Variants in AGAP1 observed in about 807,000 individuals in gnomAD.
The protein encoded by AGAP1 is ArfGAP with GTPase domain, ankyrin repeat and PH domain 1, also known as arf-GAP with GTPase, ANK repeat and PH domain-containing protein 1.
Under a neutral mutation model 105.3 loss-of-function variants are expected in AGAP1, and 29 were observed. That is an observed-to-expected ratio of 0.28 (90% CI 0.21 to 0.38). The LOEUF is 0.38. Among genes scored for constraint, AGAP1 ranks in the 10% least tolerant of loss-of-function variants. AGAP1 has a pLI of 1.00. For synonymous variants in AGAP1, 509 were observed against 485.9 expected (o/e 1.05, Z -0.63); for missense variants, 998 against 1,165.1 (o/e 0.86, Z 2.09).
intron 16 of AGAP1, among the ~76,000 whole-genome samples, chr2:236,079,373 A>T (rs1252982203): frequency 4.8e-4 from 31 of 64,736 alleles, no homozygotes; most frequent in South Asian, 3.3e-3. Flanking sequence ...GAAAATTTAA[A>T]AAAAAAAAAA....
chr2:236,065,463 G>A (rs531622116), intron 16 of AGAP1, among the ~76,000 whole-genome samples: 2 of 152,180 alleles, frequency 1.3e-5, no homozygotes, highest in Admixed American at 6.5e-5. Context: ...TGTTCTGTTC[G>A]CAGGCAGCCT....
chr2:235,733,721 C>T lies in AGAP1; in HGVS notation c.311-7242C>T, dbSNP rs975137903. Reference sequence around the variant, plus strand: ...ATCGTGTTAAGTGCTCACTTCACTGCGGGTCAGAACCCCGGAGTGTTTCAC... The same window carrying T: ...ATCGTGTTAAGTGCTCACTTCACTGTGGGTCAGAACCCCGGAGTGTTTCAC... On this transcript the variant is annotated intron_variant, in intron 3 of 17. Transcript: ENST00000304032. The surrounding 1 kb of genome is among the most constrained non-coding windows in gnomAD (Gnocchi z 5.0). 3.9e-5 allele frequency among the ~76,000 whole-genome samples: 6 copies of T among 152,132 alleles called. No homozygotes were observed. The highest frequency in any genetic ancestry group is 3.9e-4 in the East Asian group (2 of 5,182).
Position 236,128,075 on chromosome 2 carries a change from ACC to A in AGAP1, c.*3964_*3965del, listed in dbSNP as rs34549453. On this transcript the variant is annotated 3_prime_UTR_variant, in exon 18 of 18. Coordinates refer to ENST00000304032, the MANE Select transcript of AGAP1 (RefSeq NM_001037131.3). The surrounding 1 kb of genome is among the most constrained non-coding windows in gnomAD (Gnocchi z 5.9). ...GAGGCTGTGATGGGCACGTTTGCCA[ACC>A]CCCCCCCCCCAGTAGAGCCCAGGAC... 70 of 128,994 alleles carry A rather than the reference ACC, an allele frequency of 5.4e-4. No individual in the cohort carries two copies. Among genetic ancestry groups the A allele is most frequent in the South Asian group, 7.5e-4 (3 of 3,978 alleles). 8.0% of individuals were successfully genotyped at this position (128,994 alleles called of 1,614,324 possible). A position where few individuals can be genotyped will look rare whatever the true frequency, so the allele number is the denominator to read the frequency against.
intron 9 of AGAP1, among the ~76,000 whole-genome samples, chr2:235,809,335 C>T (rs965126979): frequency 7.2e-5 from 11 of 152,282 alleles, no homozygotes; most frequent in African/African-American, 2.6e-4. Context: ...TCAAAGGAAT[C>T]TCGTTGAAAT....
intron 9 of AGAP1, among the ~76,000 whole-genome samples, chr2:235,862,007 T>A (rs2048946041): frequency 6.6e-6 from 1 of 152,114 alleles, no homozygotes; most frequent in South Asian, 2.1e-4. Flanking sequence ...GCTCATTCTT[T>A]TCGTCAGAGA....
intron 6 of AGAP1, among the ~76,000 whole-genome samples, chr2:235,796,041 A>G (rs1178362779): frequency 2.0e-5 from 3 of 152,212 alleles, no homozygotes; most frequent in East Asian, 3.9e-4. Flanking sequence ...TCCTAGTCCT[A>G]TTTAATTCTG....
chr2:235,696,148 C>G (rs550360593), intron 1 of AGAP1, among the ~76,000 whole-genome samples: 1 of 152,282 alleles, frequency 6.6e-6, no homozygotes, highest in Admixed American at 6.5e-5. Flanking sequence ...CGATTTCAAG[C>G]GATTCTCCTG....
At chr2:235,966,585 C>G (rs185526142) in intron 12 of AGAP1, among the ~76,000 whole-genome samples, 14 of 152,286 alleles carry the variant, frequency 9.2e-5, no homozygotes, top group Non-Finnish European at 7.4e-5. Context: ...ACATTTCTCG[C>G]AACTCCTTAA....
chr2:235,594,986 C>T (rs1945477286), intron 1 of AGAP1, among the ~76,000 whole-genome samples: 1 of 150,444 alleles, frequency 6.6e-6, no homozygotes, highest in Admixed American at 6.6e-5. Flanking sequence ...AACCAGAGCA[C>T]CAGGCTGGCA....
chr2:235,888,702 C>CT lies in AGAP1; in HGVS notation c.1155+5256dup, dbSNP rs1471735264. On this transcript the variant is annotated intron_variant, in intron 10 of 17. Transcript: ENST00000304032. This position sits in a 1 kb window ranked among gnomAD's most constrained non-coding sequence, Gnocchi z 4.8. Reference sequence around the variant, plus strand: ...CTTGGGCGACCATGCAAGACCCTGTCTTTAAAAAAAAAAAAAAAGTTGATA... The same window carrying CT: ...CTTGGGCGACCATGCAAGACCCTGTCTTTTAAAAAAAAAAAAAAAGTTGATA... 1.4e-5 allele frequency among the ~76,000 whole-genome samples: 2 copies of CT among 146,732 alleles called. No homozygotes were observed. The highest frequency in any genetic ancestry group is 5.3e-5 in the African/African-American group (2 of 37,602).
chr2:235,854,664 T>C (rs1209110616), intron 9 of AGAP1, among the ~76,000 whole-genome samples: 1 of 152,222 alleles, frequency 6.6e-6, no homozygotes, highest in Non-Finnish European at 1.5e-5. Flanking sequence ...TGGGGATGTT[T>C]CTTACTCTCC....
chr2:235,668,954 T>C (rs1020773433), intron 1 of AGAP1, among the ~76,000 whole-genome samples: 1 of 152,144 alleles, frequency 6.6e-6, no homozygotes, highest in Non-Finnish European at 1.5e-5. Flanking sequence ...AGTATTCTCC[T>C]GTCTGTTGTC....
chr2:235,649,012 A>G (rs184497286), intron 1 of AGAP1, among the ~76,000 whole-genome samples: 1 of 152,302 alleles, frequency 6.6e-6, no homozygotes, highest in East Asian at 1.9e-4. Flanking sequence ...GGGACTCGGA[A>G]CAGGGTTTAG....
In AGAP1 at chr2:236,027,921, C is replaced by T; in HGVS notation, c.1646-8640C>T. On this transcript the variant is annotated intron_variant, in intron 13 of 17. Coordinates refer to ENST00000304032, the MANE Select transcript of AGAP1 (RefSeq NM_001037131.3). The surrounding 1 kb of genome is among the most constrained non-coding windows in gnomAD (Gnocchi z 4.4). ...CAGAGATGGCACAGCTTCCTGCCCA[C>T]CACACTATCACAGAGCTGTTGGTCC... 6.6e-6 allele frequency among the ~76,000 whole-genome samples: 1 copy of T among 152,196 alleles called. No homozygotes were observed. The highest frequency in any genetic ancestry group is 1.9e-4 in the East Asian group (1 of 5,184).
rs551617331 is a variant in AGAP1 at position 235,810,250 on chromosome 2, TTCCATTCCCA to T, written c.1050+2923_1050+2932del. On this transcript the variant is annotated intron_variant, in intron 9 of 17. Transcript: ENST00000304032. Reference sequence around the variant, plus strand: ...GCCATTCTCCGGGTGGGAGGCGTCATTCCATTCCCATCCTTACCGTGTTTGCCGCAAACAT... The same window carrying T: ...GCCATTCTCCGGGTGGGAGGCGTCATTCCTTACCGTGTTTGCCGCAAACAT... Among the ~76,000 whole-genome samples, 376 of 152,332 alleles carry T rather than the reference TTCCATTCCCA, an allele frequency of 2.5e-3. 1 individual carries two copies. The highest frequency in any genetic ancestry group is 8.8e-3 in the African/African-American group (365 of 41,574).
At chr2:235,686,289 G>A (rs935265205) in intron 1 of AGAP1, among the ~76,000 whole-genome samples, 1 of 152,052 alleles carries the variant, frequency 6.6e-6, no homozygotes, top group Admixed American at 6.6e-5. Flanking sequence ...TCAGATGGGC[G>A]ATAGGAATGA....
rs1006521436 is a variant in AGAP1, at chr2:236,046,970, A to G, written c.1892-2089A>G. Among the ~76,000 whole-genome samples, 4 of 152,184 alleles carry G rather than the reference A, an allele frequency of 2.6e-5. No individual in the cohort carries two copies. Among genetic ancestry groups the G allele is most frequent in the African/African-American group, 9.6e-5 (4 of 41,466 alleles). On this transcript the variant is annotated intron_variant, in intron 15 of 17. Transcript: ENST00000304032. The surrounding 1 kb of genome is among the most constrained non-coding windows in gnomAD (Gnocchi z 5.2). ...TAGCAAGACCCCATCTGTGCAAAAA[A>G]TGTAAGAAGTTAGCCAGGCATGGTG...
rs2055197190 is a variant in AGAP1 at position 235,983,938 on chromosome 2, T to G, written c.1645+15315T>G. Among the ~76,000 whole-genome samples, 1 of 152,236 alleles carries G rather than the reference T, an allele frequency of 6.6e-6. No individual in the cohort carries two copies. Among genetic ancestry groups the G allele is most frequent in the Admixed American group, 6.5e-5 (1 of 15,282 alleles). ...ATTTGCCATTTTAATTGTTTTTAAG[T>G]GTTCAATTCAGTGCCGTTGAATTAT... On this transcript the variant is annotated intron_variant, in intron 13 of 17. Transcript: ENST00000304032. This position sits in a 1 kb window ranked among gnomAD's most constrained non-coding sequence, Gnocchi z 4.5.
At chr2:235,585,084 C>T (rs1194722749) in intron 1 of AGAP1, among the ~76,000 whole-genome samples, 2 of 152,114 alleles carry the variant, frequency 1.3e-5, no homozygotes, top group South Asian at 2.1e-4. Context: ...TTTTCTTTAG[C>T]TCTGGTCTTT....
Sources: gnomAD v4.1 joint callset for allele counts (sites outside exome capture counted in the v4.1 genomes callset) on GRCh38, gnomAD v4.1.1 for gene constraint, Gnocchi (gnomAD v3.1) non-coding constraint, MANE v1.5 for transcripts, NCBI Gene and HGNC (gene_info 2026-07-23, HGNC 2026-07-21) for gene names.